CLCA2: variants seen among roughly 807,000 people sequenced by gnomAD.
CLCA2 encodes the protein calcium-activated chloride channel regulator 2.
A neutral mutation model predicts 82.9 loss-of-function variants in CLCA2; 85 were observed. That is an observed-to-expected ratio of 1.03 (90% CI 0.86 to 1.23). The LOEUF (loss-of-function observed/expected upper bound fraction) is 1.23, where lower values mean the gene tolerates loss of function less well. Ranked by LOEUF, CLCA2 falls within the 50% of genes most tolerant of loss-of-function variation. CLCA2 has a pLI of 0.00. For synonymous variants in CLCA2, 421 were observed against 391.7 expected (o/e 1.07, Z -0.88); for missense variants, 1,089 against 1,124.8 (o/e 0.97, Z 0.45).
rs937248019 is a variant in CLCA2 at position 86,450,604 on chromosome 1, T to C, written c.2026T>C (p.Phe676Leu). ...AAATGATGGAATTTACTCGAGGTATTTTTTCTCCTTTGCTGCAAATGGTAG... is the reference window on the plus strand; with the variant it reads ...AAATGATGGAATTTACTCGAGGTATCTTTTCTCCTTTGCTGCAAATGGTAG... ...IKNDGIYSRY[F>L]FSFAANGRYS... is the part of the protein sequence containing the mutation. Residue 676 changes from phenylalanine (F) to leucine (L), a missense_variant, in exon 12 of 14, where the codon TTT becomes CTT. Coordinates refer to ENST00000370565, the MANE Select transcript of CLCA2 (RefSeq NM_006536.7). The C allele has an allele frequency of 3.7e-6, 6 of 1,613,188 alleles. No individual in the cohort carries two copies. Among genetic ancestry groups the C allele is most frequent in the Non-Finnish European group, 3.4e-6 (4 of 1,179,530 alleles).
Position 86,453,374 on chromosome 1 carries a change from A to G in CLCA2, c.2161A>G (p.Ile721Val). ...YVPGYTANGN[I>V]QMNAPRKSVG... ...TTTTTTCTTTTTTGTCTCAGGTAATATTCAGATGAATGCTCCAAGGAAATC... is the reference window on the plus strand; with the variant it reads ...TTTTTTCTTTTTTGTCTCAGGTAATGTTCAGATGAATGCTCCAAGGAAATC... The change falls in exon 13 of 14, where the codon ATT (isoleucine) becomes GTT (valine). Residue 721 changes from isoleucine to valine, a missense_variant. Physicochemically the swap from Ile to Val is conservative, Grantham distance 29. Transcript: ENST00000370565. 1.2e-6 allele frequency: 2 copies of G among 1,613,512 alleles called. No homozygotes were observed. The highest frequency in any genetic ancestry group is 1.7e-6 in the Non-Finnish European group (2 of 1,179,610).
Position 86,432,438 on chromosome 1 carries a change from T to C in CLCA2, c.654T>C (p.Ile218=). 1 of 1,614,064 alleles carries C rather than the reference T, an allele frequency of 6.2e-7. No individual in the cohort carries two copies. The highest frequency in any genetic ancestry group is 8.5e-7 in the Non-Finnish European group (1 of 1,179,990). The change falls in exon 5 of 14, where the codon ATT becomes ATC. Residue 218 remains isoleucine, a synonymous_variant. Coordinates refer to ENST00000370565, the MANE Select transcript of CLCA2 (RefSeq NM_006536.7). ...CTTGCCCCCAAGAAAACTGTATTAT[T>C]AGTAAGCTTTTTAAAGAAGGATGCA... is the stretch of plus-strand genomic sequence containing the variant. ...KGPCPQENCI[I]SKLFKEGCTF...
At chr1:86,444,082 T>C in intron 10 of CLCA2, 71 bp downstream of exon 10, 4 of 964,696 alleles carry the variant, frequency 4.1e-6, no homozygotes, top group Non-Finnish European at 6.5e-6. Flanking sequence ...AATCACATGA[T>C]TAAATGCATT....
intron 12 of CLCA2, among the ~76,000 whole-genome samples, chr1:86,451,948 A>G (rs1012942076): frequency 3.9e-5 from 6 of 152,114 alleles, no homozygotes; most frequent in African/African-American, 1.4e-4. Flanking sequence ...TCATTAATCC[A>G]TATGCCTTTA....
chr1:86,431,339 T>C (rs973208229), intron 4 of CLCA2, among the ~76,000 whole-genome samples: 1 of 152,214 alleles, frequency 6.6e-6, no homozygotes, highest in African/African-American at 2.4e-5. Context: ...TTTTCCTCGC[T>C]CTGTGTTTTA....
chr1:86,430,048 C>G (rs191954525), intron 3 of CLCA2, among the ~76,000 whole-genome samples: 46 of 152,198 alleles, frequency 3.0e-4, no homozygotes, highest in Admixed American at 3.0e-3. Flanking sequence ...CACAATATGC[C>G]ACAGCCTGAG....
chr1:86,438,736 T>A (rs1662662182), intron 6 of CLCA2, 140 bp from the exon 7 acceptor site: 1 of 675,336 alleles, frequency 1.5e-6, no homozygotes, highest in South Asian at 1.9e-5. Flanking sequence ...TCTAATATTA[T>A]GTTACTCTTT....
At position 86,443,804 on chromosome 1, in the gene CLCA2, A is replaced by C; in HGVS notation, c.1506A>C (p.Glu502Asp). 1 of 1,613,702 alleles carries C rather than the reference A, an allele frequency of 6.2e-7. No individual in the cohort carries two copies. The highest frequency in any genetic ancestry group is 8.5e-7 in the Non-Finnish European group (1 of 1,179,710). The change falls in exon 10 of 14, where the codon GAA (glutamate) becomes GAC (aspartate). Residue 502 changes from glutamate to aspartate, a missense_variant. By Grantham distance (45) the Glu-to-Asp change is conservative. Coordinates refer to ENST00000370565, the MANE Select transcript of CLCA2 (RefSeq NM_006536.7). Reference protein sequence around the residue: ...QQHIQLESTGENVKPHHQLKN... With the variant: ...QQHIQLESTGDNVKPHHQLKN... The stretch of plus-strand genomic sequence containing the variant: ...TTTAACAGCTTGAAAGTACAGGTGA[A>C]AATGTCAAACCTCACCATCAATTGA...
At chr1:86,451,061 T>C (rs1390127601) in intron 12 of CLCA2, among the ~76,000 whole-genome samples, 1 of 152,152 alleles carries the variant, frequency 6.6e-6, no homozygotes, top group African/African-American at 2.4e-5. Context: ...GTTTCCTCTA[T>C]AGAGGTTTAG....
At chr1:86,440,731 C>A (rs986654634) in intron 8 of CLCA2, among the ~76,000 whole-genome samples, 1 of 151,926 alleles carries the variant, frequency 6.6e-6, no homozygotes, top group African/African-American at 2.4e-5. Context: ...TAAAACCCCA[C>A]TTCTACTAAA....
In CLCA2 at chr1:86,430,886, C is replaced by T; in HGVS notation, c.500C>T (p.Ala167Val). ...SRGRVFVHEW[A>V]HLRWGVFDEY... ...GGCCGAGTGTTTGTCCATGAATGGG[C>T]CCACCTCCGTTGGGGTGTGTTCGAT... is the stretch of plus-strand genomic sequence containing the variant. Residue 167 changes from alanine (A) to valine (V), a missense_variant, in exon 4 of 14, where the codon GCC becomes GTC. Ala to Val is a moderately conservative substitution (Grantham distance 64, BLOSUM62 0). Coordinates refer to ENST00000370565, the MANE Select transcript of CLCA2 (RefSeq NM_006536.7). The T allele has an allele frequency of 6.2e-7, 1 of 1,613,404 alleles. No individual in the cohort carries two copies. The highest frequency in any genetic ancestry group is 1.1e-5 in the South Asian group (1 of 90,918).
chr1:86,436,324 G>A (rs961684932), intron 6 of CLCA2, among the ~76,000 whole-genome samples: 1 of 152,200 alleles, frequency 6.6e-6, no homozygotes, highest in African/African-American at 2.4e-5. Flanking sequence ...GAAACTGGCA[G>A]TTGCTACGAA....
chr1:86,456,225 A>G lies in CLCA2; in HGVS notation c.*698A>G, dbSNP rs1269417541. The G allele has an allele frequency of 3.3e-5, 5 of 152,352 alleles. No homozygotes were observed. The East Asian group carries it at 9.6e-4, about 29-fold the overall frequency. 9.4% of individuals were successfully genotyped at this position (152,352 alleles called of 1,614,324 possible). ...TATTGCCTTGGTTATTATGGATGATAGTTATAGCCCTTATAATGCCTTAAC... is the reference window on the plus strand; with the variant it reads ...TATTGCCTTGGTTATTATGGATGATGGTTATAGCCCTTATAATGCCTTAAC... On this transcript the variant is annotated 3_prime_UTR_variant, in exon 14 of 14. Coordinates refer to ENST00000370565, the MANE Select transcript of CLCA2 (RefSeq NM_006536.7).
chr1:86,442,485 T>C (rs952152510), intron 9 of CLCA2, among the ~76,000 whole-genome samples: 1 of 152,218 alleles, frequency 6.6e-6, no homozygotes, highest in African/African-American at 2.4e-5. Context: ...CGACAAGCTG[T>C]TGGAGTCATT....
chr1:86,430,731 A>T (rs891253040), intron 3 of CLCA2, 131 bp from the exon 4 acceptor site: 9 of 700,176 alleles, frequency 1.3e-5, no homozygotes, highest in Non-Finnish European at 2.3e-5. Flanking sequence ...AAGGGGAGAG[A>T]GGGAAGTAAC....
chr1:86,441,398 A>G (rs1027002960), intron 8 of CLCA2, 39 bp from the exon 9 acceptor site: 3 of 1,169,756 alleles, frequency 2.6e-6, no homozygotes, highest in Non-Finnish European at 3.7e-6. Context: ...GTTTTATTTT[A>G]CCCATTTTAA....
Position 86,432,529 on chromosome 1 carries a change from G to GCCC in CLCA2, c.744+1_744+2insCCC. 1 of 1,613,148 alleles carries GCCC rather than the reference G, an allele frequency of 6.2e-7. No individual in the cohort carries two copies. The highest frequency in any genetic ancestry group is 8.5e-7 in the Non-Finnish European group (1 of 1,179,642). ...AATGTTCATGCAAAGTTTATCTTCT[G>GCCC]TAAGTATGCCCTTGGAATGACACAC... On this transcript the variant is annotated splice_donor_variant, in intron 5 of 13. Coordinates refer to ENST00000370565, the MANE Select transcript of CLCA2 (RefSeq NM_006536.7). LOFTEE classifies it high-confidence loss of function.
chr1:86,427,632 T>G (rs997610250), intron 2 of CLCA2, among the ~76,000 whole-genome samples: 5 of 152,006 alleles, frequency 3.3e-5, no homozygotes, highest in African/African-American at 1.2e-4. Flanking sequence ...TCGTATTAGA[T>G]CTATTTTTCT....
At position 86,450,551 on chromosome 1, in the gene CLCA2, T is replaced by TA. The variant is rs755123613; in HGVS notation, c.1985-12_1985-11insA. On this transcript the variant is annotated splice_polypyrimidine_tract_variant and intron_variant, in intron 11 of 13. Coordinates refer to ENST00000370565, the MANE Select transcript of CLCA2 (RefSeq NM_006536.7). ...ATAACAAGTGTTGACACTGTGTTTT[T>TA]TATATATACAGGTGCTGATGTTATA... 34 of 1,598,110 alleles carry TA rather than the reference T, an allele frequency of 2.1e-5. No individual in the cohort carries two copies. Among genetic ancestry groups the TA allele is most frequent in the Non-Finnish European group, 2.8e-5 (33 of 1,171,034 alleles).
Sources: gnomAD v4.1 joint callset for allele counts (sites outside exome capture counted in the v4.1 genomes callset) on GRCh38, gnomAD v4.1.1 for gene constraint, MANE v1.5 for transcripts, NCBI Gene and HGNC (gene_info 2026-07-23, HGNC 2026-07-21) for gene names.